CHMP1A: variants seen among roughly 807,000 people sequenced by gnomAD.
CHMP1A encodes the protein VPS46 homolog A.
CHMP1A carries 17 observed loss-of-function variants against 27.0 expected under a neutral mutation model. That is an observed-to-expected ratio of 0.63 (90% CI 0.43 to 0.95). The LOEUF (loss-of-function observed/expected upper bound fraction) is 0.95, where lower values mean the gene tolerates loss of function less well. Ranked by LOEUF, CHMP1A falls within the 40% of genes least tolerant of loss-of-function variation. The pLI, the probability that CHMP1A is intolerant of heterozygous loss-of-function variation, is 0.00. For synonymous variants in CHMP1A, 131 were observed against 107.5 expected (o/e 1.22, Z -1.35); for missense variants, 275 against 264.0 (o/e 1.04, Z -0.29).
At chr16:89,653,015 CTTTTCT>C (rs2059837237) in intron 2 of CHMP1A, among the ~76,000 whole-genome samples, 1 of 122,106 alleles carries the variant, frequency 8.2e-6, no homozygotes, top group Non-Finnish European at 1.6e-5. Context: ...TTTTTTTTTT[CTTTTCT>C]TTTTTTTTTT....
Position 89,647,341 on chromosome 16 carries a change from G to A in CHMP1A, c.253-10C>T, listed in dbSNP as rs1814744010. On this transcript the variant is annotated splice_polypyrimidine_tract_variant and intron_variant, in intron 4 of 6. Coordinates refer to ENST00000397901, the MANE Select transcript of CHMP1A (RefSeq NM_002768.5). ...CCATATTCTTGGTCACCTGAGACAGGAGAGAGCGCAGGAGGGAACAGGATG... is the reference window on the plus strand; with the variant it reads ...CCATATTCTTGGTCACCTGAGACAGAAGAGAGCGCAGGAGGGAACAGGATG... 3 of 1,605,918 alleles carry A rather than the reference G, an allele frequency of 1.9e-6. No individual in the cohort carries two copies. Among genetic ancestry groups the A allele is most frequent in the Non-Finnish European group, 2.6e-6 (3 of 1,173,890 alleles).
At chr16:89,649,537 G>A (rs745792064) in intron 3 of CHMP1A, 40 bp from the exon 4 acceptor site, 8 of 1,611,654 alleles carry the variant, frequency 5.0e-6, no homozygotes, top group Middle Eastern at 3.3e-4. Context: ...GAGCTTGGTG[G>A]TGTGTGTGCC....
chr16:89,653,438 G>A (rs1301640042), intron 2 of CHMP1A, among the ~76,000 whole-genome samples: 1 of 150,434 alleles, frequency 6.6e-6, no homozygotes, highest in Non-Finnish European at 1.5e-5. Flanking sequence ...GGCCAACGTG[G>A]TGAAACCCCG....
rs566037189 is a variant in CHMP1A at position 89,656,873 on chromosome 16, C to A, written c.7+709G>T. The stretch of plus-strand genomic sequence containing the variant: ...AAAGGGCGCCTGACGCTGAGGAGTG[C>A]CAGGGGCGGGGGAAAGGGTCCTGGG... On this transcript the variant is annotated intron_variant, in intron 1 of 6. Coordinates refer to ENST00000397901, the MANE Select transcript of CHMP1A (RefSeq NM_002768.5). 2.7e-5 allele frequency among the ~76,000 whole-genome samples: 4 copies of A among 150,386 alleles called. No individual in the cohort carries two copies. In the East Asian group the frequency reaches 8.0e-4, roughly 30 times the overall value.
chr16:89,646,777 T>C, intron 5 of CHMP1A, 63 bp from the exon 6 acceptor site: 1 of 1,533,560 alleles, frequency 6.5e-7, no homozygotes, highest in Non-Finnish European at 8.9e-7. Flanking sequence ...CCACTCAGCT[T>C]CACAAGGGTA....
intron 6 of CHMP1A, 136 bp downstream of exon 6, chr16:89,646,391 C>G (rs959780835): frequency 9.5e-6 from 10 of 1,050,966 alleles, no homozygotes; most frequent in African/African-American, 1.6e-5. Flanking sequence ...GCTGGGGCCT[C>G]TGAGTCGAGA....
rs970303465 is a variant in CHMP1A, at chr16:89,649,512, G to A, written c.106-15C>T. ...TGCAGAAGGGCCTGAAACCCGCGGG[G>A]GAAAGCAGCTGGAAGAGCTTGGTGG... On this transcript the variant is annotated splice_polypyrimidine_tract_variant and intron_variant, in intron 3 of 6. Transcript: ENST00000397901. 9.3e-6 allele frequency: 15 copies of A among 1,613,306 alleles called. No individual in the cohort carries two copies. The highest frequency in any genetic ancestry group is 1.3e-5 in the Non-Finnish European group (15 of 1,179,732).
chr16:89,647,559 C>T (rs1019038771), intron 4 of CHMP1A, among the ~76,000 whole-genome samples: 56 of 143,542 alleles, frequency 3.9e-4, no homozygotes, highest in African/African-American at 9.5e-4. Context: ...AGGCCGCCGA[C>T]GTGGAGACCC....
At chr16:89,654,043 A>G (rs1455341013) in intron 1 of CHMP1A, 120 bp from the exon 2 acceptor site, 2 of 1,086,482 alleles carry the variant, frequency 1.8e-6, no homozygotes, top group Non-Finnish European at 2.8e-6. Flanking sequence ...CACAGACCAC[A>G]CCTGCCTGGG....
At position 89,648,379 on chromosome 16, in the gene CHMP1A, G is replaced by C. The variant is rs456195; in HGVS notation, c.252+972C>G. 1.1e-3 allele frequency among the ~76,000 whole-genome samples: 89 copies of C among 79,936 alleles called. 14 individuals carry two copies. The highest frequency in any genetic ancestry group is 2.9e-3 in the Admixed American group (14 of 4,844). The allele number at this position is 79,936 out of a possible 152,430, so 52.4% of individuals were successfully genotyped here. A position where few individuals can be genotyped will look rare whatever the true frequency, so the allele number is the denominator to read the frequency against. ...CGACGTGGAGACCCAGCGCGGGGTC[G>C]GTGGAGAAAAGGCCGCCGACGTGGG... On this transcript the variant is annotated intron_variant, in intron 4 of 6. Transcript: ENST00000397901.
In CHMP1A at chr16:89,655,537, G is replaced by C. The variant is rs371627285; in HGVS notation, c.8-1614C>G. On this transcript the variant is annotated intron_variant, in intron 1 of 6. Transcript: ENST00000397901. ...TGTGGCAGCACAAAAACCCAGCTAA[G>C]GCAAAATCTGACTCTGAGGAAATCT... Among the ~76,000 whole-genome samples, 50 of 152,298 alleles carry C rather than the reference G, an allele frequency of 3.3e-4. 1 individual carries two copies. Among genetic ancestry groups the C allele is most frequent in the African/African-American group, 1.1e-3 (45 of 41,558 alleles).
At chr16:89,649,586 TTTTG>T (rs2059808244) in intron 3 of CHMP1A, 89 bp from the exon 4 acceptor site, 3 of 1,515,714 alleles carry the variant, frequency 2.0e-6, no homozygotes, top group Non-Finnish European at 1.8e-6. Context: ...TTTTGTTTTG[TTTTG>T]TTTGAGACGG....
chr16:89,649,188 C>T, intron 4 of CHMP1A, 163 bp downstream of exon 4: 1 of 422,448 alleles, frequency 2.4e-6, no homozygotes, highest in Non-Finnish European at 3.6e-6. Flanking sequence ...CTGATCCAGC[C>T]CTCAACCTCC....
In CHMP1A at chr16:89,647,185, A is replaced by C. The variant is rs747313694; in HGVS notation, c.381+18T>G. ...TCCTTGTCCCCAGGCCACAGCCCCAAGGGTAGGGGCCACATACCGATGTAT... is the reference window on the plus strand; with the variant it reads ...TCCTTGTCCCCAGGCCACAGCCCCACGGGTAGGGGCCACATACCGATGTAT... On this transcript the variant is annotated intron_variant, in intron 5 of 6. Transcript: ENST00000397901. The C allele has an allele frequency of 6.2e-7, 1 of 1,606,676 alleles. No homozygotes were observed. The highest frequency in any genetic ancestry group is 2.2e-5 in the East Asian group (1 of 44,608).
intron 3 of CHMP1A, 110 bp downstream of exon 3, chr16:89,651,459 C>A: frequency 1.3e-6 from 1 of 796,706 alleles, no homozygotes; most frequent in Non-Finnish European, 2.1e-6. Flanking sequence ...TAGAAAGTGC[C>A]CTGCCCCTCC....
chr16:89,651,725 G>GT, intron 2 of CHMP1A, 79 bp from the exon 3 acceptor site: 4 of 1,404,828 alleles, frequency 2.8e-6, no homozygotes, highest in Non-Finnish European at 3.0e-6. Context: ...CCCCACACCT[G>GT]TGCCCACACC....
In CHMP1A at chr16:89,646,029, T is replaced by C. The variant is rs761392378; in HGVS notation, c.*37A>G. On this transcript the variant is annotated 3_prime_UTR_variant, in exon 7 of 7. Coordinates refer to ENST00000397901, the MANE Select transcript of CHMP1A (RefSeq NM_002768.5). Reference sequence around the variant, plus strand: ...GAGAGGACAGGAGCCTTCCAGCACATCACGGGGCAGAGGCGGTGCACACCG... The same window carrying C: ...GAGAGGACAGGAGCCTTCCAGCACACCACGGGGCAGAGGCGGTGCACACCG... 1.9e-6 allele frequency: 3 copies of C among 1,602,092 alleles called. No individual in the cohort carries two copies. Among genetic ancestry groups the C allele is most frequent in the Non-Finnish European group, 2.6e-6 (3 of 1,175,444 alleles).
At chr16:89,650,488 CT>C (rs2059815702) in intron 3 of CHMP1A, among the ~76,000 whole-genome samples, 1 of 152,212 alleles carries the variant, frequency 6.6e-6, no homozygotes. Context: ...TAGACACCAG[CT>C]CTGTAGGGAG....
chr16:89,657,321 G>A (rs115266903), intron 1 of CHMP1A, among the ~76,000 whole-genome samples: 2 of 147,956 alleles, frequency 1.4e-5, no homozygotes, highest in Non-Finnish European at 3.0e-5. Context: ...ATCGGGGGAC[G>A]AGGCTCGGGA....
Sources: allele counts gnomAD v4.1 joint callset (sites outside exome capture counted in the v4.1 genomes callset), GRCh38; gene constraint gnomAD v4.1.1; transcripts MANE v1.5; gene names NCBI Gene and HGNC (gene_info 2026-07-23, HGNC 2026-07-21).